The following TTC21B variants were observed in gnomAD, a reference collection of about 807,000 sequenced individuals.
The protein encoded by TTC21B is tetratricopeptide repeat domain 21B.
TTC21B carries 127 observed loss-of-function variants against 175.1 expected under a neutral mutation model. That is an observed-to-expected ratio of 0.73 (90% CI 0.63 to 0.84). The LOEUF (loss-of-function observed/expected upper bound fraction) is 0.84. Ranked by LOEUF, TTC21B falls within the 40% of genes least tolerant of loss-of-function variation. The pLI is 0.00. For synonymous variants in TTC21B, 524 were observed against 524.5 expected (o/e 1.00, Z 0.01); for missense variants, 1,561 against 1,558.3 (o/e 1.00, Z -0.03).
At chr2:165,882,801 A>G (rs541699585) in intron 26 of TTC21B, among the ~76,000 whole-genome samples, 4 of 152,220 alleles carry the variant, frequency 2.6e-5, no homozygotes, top group Non-Finnish European at 5.9e-5. Flanking sequence ...CTGAAATTGT[A>G]TGTGCACTGA....
At chr2:165,941,321 C>G (rs1687359628) in intron 5 of TTC21B, 137 bp from the exon 6 acceptor site, 1 of 907,602 alleles carries the variant, frequency 1.1e-6, no homozygotes, top group African/African-American at 1.7e-5. Context: ...AAGTTTTTGT[C>G]AAAACAAAAT....
chr2:165,903,622 G>A (rs1371768644), intron 19 of TTC21B, among the ~76,000 whole-genome samples: 1 of 152,166 alleles, frequency 6.6e-6, no homozygotes, highest in African/African-American at 2.4e-5. Context: ...GCTAAAAGAT[G>A]ACAGAGAGGG....
At chr2:165,940,081 G>T (rs538878249) in intron 6 of TTC21B, among the ~76,000 whole-genome samples, 37 of 152,178 alleles carry the variant, frequency 2.4e-4, no homozygotes, top group African/African-American at 8.7e-4. Context: ...TTGTTATTCT[G>T]GTAGTTCAGG....
rs776142660 is a variant in TTC21B at position 165,930,247 on chromosome 2, C to T, written c.1012G>A (p.Gly338Arg). 3 of 1,613,202 alleles carry T rather than the reference C, an allele frequency of 1.9e-6. No homozygotes were observed. Among genetic ancestry groups the T allele is most frequent in the Non-Finnish European group, 2.5e-6 (3 of 1,179,440 alleles). ...CACTTCAGTGCCTCTTTAACTCTTC[C>T]TTGTAAAATCATTTGGTATCCAAGT... ...TELGYQMILQGRVKEALKWYK... is the reference protein window; with the variant it reads ...TELGYQMILQRRVKEALKWYK... Residue 338 changes from glycine to arginine, a missense_variant, in exon 9 of 29, where the codon GGA becomes AGA. Physicochemically the swap from Gly to Arg is moderately radical, Grantham distance 125 (BLOSUM62 -2). Coordinates refer to ENST00000243344, the MANE Select transcript of TTC21B (RefSeq NM_024753.5).
chr2:165,913,441 A>G (rs369726141), intron 16 of TTC21B, 133 bp downstream of exon 16: 3 of 641,196 alleles, frequency 4.7e-6, no homozygotes. Context: ...TAAAATGGAT[A>G]TCTCCCTTTT....
rs1310687462 is a variant in TTC21B, at chr2:165,930,244, T to G, written c.1015A>C (p.Arg339=). 4 of 1,613,384 alleles carry G rather than the reference T, an allele frequency of 2.5e-6. No homozygotes were observed. The South Asian group carries it at 4.4e-5, about 18-fold the overall frequency. ...TACCACTTCAGTGCCTCTTTAACTC[T>G]TCCTTGTAAAATCATTTGGTATCCA... is the stretch of plus-strand genomic sequence containing the variant. ...ELGYQMILQG[R]VKEALKWYKT... is the part of the protein sequence containing the mutation. The change falls in exon 9 of 29, where the codon AGA becomes CGA. Residue 339 remains arginine, a synonymous_variant. Coordinates refer to ENST00000243344, the MANE Select transcript of TTC21B (RefSeq NM_024753.5).
intron 22 of TTC21B, among the ~76,000 whole-genome samples, chr2:165,895,890 CAA>C (rs1261840142): frequency 2.0e-5 from 3 of 152,024 alleles, no homozygotes; most frequent in Admixed American, 6.6e-5. Context: ...TTAAAAAACT[CAA>C]AGAGTAAAAA....
chr2:165,930,490 ATAAT>A, intron 8 of TTC21B, 126 bp from the exon 9 acceptor site: 1 of 623,684 alleles, frequency 1.6e-6, no homozygotes, highest in East Asian at 3.1e-5. Context: ...AAAAAAATTA[ATAAT>A]TAAGGAAAAA....
intron 19 of TTC21B, among the ~76,000 whole-genome samples, chr2:165,906,254 T>TAAAAAAAAAAA (rs1163343694): frequency 8.8e-5 from 4 of 45,320 alleles, no homozygotes; most frequent in African/African-American, 9.5e-5. Context: ...TTCAAGAGGC[T>TAAAAAAAAAAA]AAAAAAAAAA....
Position 165,890,935 on chromosome 2 carries a change from G to A in TTC21B, c.3004C>T (p.Leu1002Phe). Reference sequence around the variant, plus strand: ...GAGAAAAATCTTGGGACATCCTCGAGTTTTCCACATCTTCTTAGGAGATCA... The same window carrying A: ...GAGAAAAATCTTGGGACATCCTCGAATTTTCCACATCTTCTTAGGAGATCA... ...LIDLLRRCGK[L>F]EDVPRFFSMA... The change falls in exon 23 of 29, where the codon CTC (leucine) becomes TTC (phenylalanine). Residue 1002 changes from leucine (L) to phenylalanine (F), a missense_variant. By Grantham distance (22) the Leu-to-Phe change is conservative. Transcript: ENST00000243344. The A allele has an allele frequency of 1.2e-6, 2 of 1,613,080 alleles. No individual in the cohort carries two copies. The highest frequency in any genetic ancestry group is 2.2e-5 in the East Asian group (1 of 44,762).
intron 27 of TTC21B, among the ~76,000 whole-genome samples, chr2:165,880,357 A>G (rs1684799632): frequency 6.6e-6 from 1 of 152,160 alleles, no homozygotes; most frequent in Non-Finnish European, 1.5e-5. Flanking sequence ...ATATTTTCCT[A>G]ACTTACTTGG....
chr2:165,913,019 A>C (rs533615874), intron 16 of TTC21B, among the ~76,000 whole-genome samples: 21 of 151,670 alleles, frequency 1.4e-4, no homozygotes, highest in Non-Finnish European at 2.8e-4. Context: ...GAAGACTCCT[A>C]ACATACCTCT....
chr2:165,888,024 T>C (rs958147798), intron 25 of TTC21B, among the ~76,000 whole-genome samples: 2 of 152,202 alleles, frequency 1.3e-5, no homozygotes, highest in African/African-American at 4.8e-5. Flanking sequence ...AATTAACTTA[T>C]ATACTTTTGA....
chr2:165,915,931 A>T (rs950124899), intron 14 of TTC21B, among the ~76,000 whole-genome samples: 1 of 152,248 alleles, frequency 6.6e-6, no homozygotes, highest in African/African-American at 2.4e-5. Context: ...ATGTAATTTA[A>T]GTGTACCTCA....
chr2:165,943,389 T>G (rs1559075141), intron 4 of TTC21B, 48 bp from the exon 5 acceptor site: 4 of 1,406,068 alleles, frequency 2.8e-6, no homozygotes, highest in East Asian at 4.9e-5. Flanking sequence ...ATGAGAGAAA[T>G]AAATGTTAAT....
At chr2:165,899,451 G>A (rs1353411831) in intron 21 of TTC21B, among the ~76,000 whole-genome samples, 1 of 152,002 alleles carries the variant, frequency 6.6e-6, no homozygotes, top group Non-Finnish European at 1.5e-5. Flanking sequence ...GCATTCCTAA[G>A]TACTTAAAAG....
intron 1 of TTC21B, 104 bp downstream of exon 1, chr2:165,953,581 G>A: frequency 6.6e-7 from 1 of 1,516,056 alleles, no homozygotes; most frequent in Non-Finnish European, 8.9e-7. Context: ...GGAAACAGCG[G>A]CCTAGCGAAG....
intron 24 of TTC21B, 41 bp from the exon 25 acceptor site, chr2:165,888,515 A>C: frequency 1.4e-6 from 2 of 1,464,030 alleles, no homozygotes; most frequent in Non-Finnish European, 1.9e-6. Context: ...TCTCTTACTC[A>C]TGATACAATT....
At chr2:165,890,376 C>A in intron 24 of TTC21B, 103 bp downstream of exon 24, 1 of 1,069,270 alleles carries the variant, frequency 9.4e-7, no homozygotes, top group South Asian at 1.4e-5. Context: ...TTCATCTGAC[C>A]TTTCATTATT....
Sources: gnomAD v4.1 joint callset for allele counts (sites outside exome capture counted in the v4.1 genomes callset) on GRCh38, gnomAD v4.1.1 for gene constraint, MANE v1.5 for transcripts, NCBI Gene and HGNC (gene_info 2026-07-23, HGNC 2026-07-21) for gene names.